KCTD16: variants seen among roughly 807,000 people sequenced by gnomAD.
KCTD16 encodes the protein BTB/POZ domain-containing protein KCTD16.
Under a neutral mutation model 33.2 loss-of-function variants are expected in KCTD16, and 13 were observed. The ratio of observed to expected loss-of-function variants is 0.39; its 90% CI spans 0.25 to 0.62. KCTD16 has a LOEUF of 0.62. Ranked by LOEUF, KCTD16 falls within the 20% of genes least tolerant of loss-of-function variation. The pLI is 0.50. For missense variants in KCTD16, 441 were observed against 525.1 expected (o/e 0.84, Z 1.57); for synonymous variants, 197 against 195.3 (o/e 1.01, Z -0.07).
At chr5:144,254,546 C>T (rs1304184532) in intron 3 of KCTD16, among the ~76,000 whole-genome samples, 4 of 152,076 alleles carry the variant, frequency 2.6e-5, no homozygotes. Flanking sequence ...ATGAGATCTG[C>T]CCTCTTAACA....
At chr5:144,417,800 G>C (rs181934155) in intron 3 of KCTD16, among the ~76,000 whole-genome samples, 1 of 151,934 alleles carries the variant, frequency 6.6e-6, no homozygotes, top group Admixed American at 6.6e-5. Flanking sequence ...CTCCAACTTC[G>C]TTCTTCTGCA....
rs570422062 is a variant in KCTD16 at position 144,362,698 on chromosome 5, G to T, written c.833-110962G>T. Among the ~76,000 whole-genome samples the T allele has an allele frequency of 8.5e-5, 13 of 152,250 alleles. No individual in the cohort carries two copies. The South Asian group carries it at 2.7e-3, about 32-fold the overall frequency. On this transcript the variant is annotated intron_variant, in intron 3 of 3. Coordinates refer to ENST00000512467, the MANE Select transcript of KCTD16 (RefSeq NM_020768.4). ...GGCACCTAGTAAGTACTCCTTAAAA[G>T]TTAGTTTAGGGTGTTGGTGGATGTG... is the stretch of plus-strand genomic sequence containing the variant.
intron 3 of KCTD16, among the ~76,000 whole-genome samples, chr5:144,343,686 G>A (rs556255807): frequency 3.9e-5 from 6 of 152,000 alleles, no homozygotes; most frequent in Non-Finnish European, 8.8e-5. Flanking sequence ...TGTCAATTTT[G>A]GATCTTTCCT....
intron 3 of KCTD16, among the ~76,000 whole-genome samples, chr5:144,314,764 G>A (rs1302810144): frequency 6.6e-6 from 1 of 152,168 alleles, no homozygotes. Context: ...CTTAATGCAT[G>A]TAAAGAAGTG....
intron 3 of KCTD16, among the ~76,000 whole-genome samples, chr5:144,367,741 A>G (rs1385810080): frequency 1.3e-5 from 2 of 148,828 alleles, no homozygotes; most frequent in East Asian, 4.0e-4. Context: ...ATTCATGTGC[A>G]GGTTTGTTAC....
intron 3 of KCTD16, among the ~76,000 whole-genome samples, chr5:144,273,843 C>T (rs13165379): frequency 0.22 from 32,678 of 151,598 alleles, 3,972 homozygotes; most frequent in Non-Finnish European, 0.28. Flanking sequence ...GATTAAGAGT[C>T]ATAGAGATGG....
At chr5:144,223,216 A>G (rs999119830) in intron 3 of KCTD16, among the ~76,000 whole-genome samples, 8 of 152,304 alleles carry the variant, frequency 5.3e-5, no homozygotes, top group African/African-American at 1.9e-4. Flanking sequence ...TGGGTGCAGC[A>G]CACCAACATG....
intron 3 of KCTD16, among the ~76,000 whole-genome samples, chr5:144,361,592 AC>A (rs1561580417): frequency 6.6e-6 from 1 of 152,156 alleles, no homozygotes; most frequent in East Asian, 1.9e-4. Context: ...AATATACAGA[AC>A]CCCTTCGTTG....
intron 3 of KCTD16, among the ~76,000 whole-genome samples, chr5:144,231,295 A>C (rs1390508156): frequency 6.6e-6 from 1 of 151,796 alleles, no homozygotes; most frequent in African/African-American, 2.4e-5. Flanking sequence ...TCATCCATGT[A>C]TTTGATTAAA....
intron 3 of KCTD16, chr5:144,439,481 T>G: frequency 2.0e-5 from 5 of 255,980 alleles, no homozygotes; most frequent in Non-Finnish European, 3.8e-5. Flanking sequence ...GTAAATGAAG[T>G]TGGCAAGTCA....
At chr5:144,215,813 A>G (rs557839325) in intron 3 of KCTD16, among the ~76,000 whole-genome samples, 3 of 152,388 alleles carry the variant, frequency 2.0e-5, no homozygotes, top group Admixed American at 2.0e-4. Flanking sequence ...TCTTTCTAAT[A>G]GTCCTTTTGA....
At chr5:144,303,119 G>T (rs1442555173) in intron 3 of KCTD16, among the ~76,000 whole-genome samples, 2 of 152,124 alleles carry the variant, frequency 1.3e-5, no homozygotes, top group African/African-American at 4.8e-5. Flanking sequence ...CCTGTGGTTT[G>T]CTGGCCATTA....
At chr5:144,302,453 A>G (rs1239041771) in intron 3 of KCTD16, among the ~76,000 whole-genome samples, 14 of 152,230 alleles carry the variant, frequency 9.2e-5, no homozygotes, top group Admixed American at 9.2e-4. Flanking sequence ...GTGTTCAACC[A>G]TGACTTTGGG....
intron 3 of KCTD16, among the ~76,000 whole-genome samples, chr5:144,396,441 A>G (rs754976070): frequency 6.6e-6 from 1 of 152,164 alleles, no homozygotes; most frequent in Non-Finnish European, 1.5e-5. Flanking sequence ...ATTTACATTC[A>G]AGGACATTTG....
chr5:144,286,818 G>GA (rs576566156), intron 3 of KCTD16, among the ~76,000 whole-genome samples: 68 of 152,120 alleles, frequency 4.5e-4, no homozygotes, highest in African/African-American at 1.6e-3. Flanking sequence ...GGTTGGTGAG[G>GA]AAAAAAATCT....
intron 3 of KCTD16, among the ~76,000 whole-genome samples, chr5:144,301,568 T>C (rs991114679): frequency 6.6e-6 from 1 of 152,216 alleles, no homozygotes; most frequent in African/African-American, 2.4e-5. Flanking sequence ...AGTAGGTGCT[T>C]GGAAAATTCT....
chr5:144,206,906 T>A lies in KCTD16; in HGVS notation c.192T>A (p.Asp64Glu). 2 of 1,614,150 alleles carry A rather than the reference T, an allele frequency of 1.2e-6. No individual in the cohort carries two copies. Among genetic ancestry groups the A allele is most frequent in the Non-Finnish European group, 1.7e-6 (2 of 1,180,022 alleles). ...MFSPKRDTAN[D>E]LAKDSKGRFF... Reference sequence around the variant, plus strand: ...CCCCAAAGAGAGACACGGCTAATGATCTAGCCAAGGACTCCAAGGGAAGGT... The same window carrying A: ...CCCCAAAGAGAGACACGGCTAATGAACTAGCCAAGGACTCCAAGGGAAGGT... Residue 64 changes from aspartate to glutamate, a missense_variant, in exon 3 of 4, where the codon GAT (aspartate) becomes GAA (glutamate). Transcript: ENST00000512467.
intron 3 of KCTD16, among the ~76,000 whole-genome samples, chr5:144,463,399 A>G (rs760480648): frequency 6.6e-6 from 1 of 152,238 alleles, no homozygotes; most frequent in Non-Finnish European, 1.5e-5. Context: ...AAAGCAATCA[A>G]TTGTCTTCTA....
At chr5:144,396,630 C>T (rs772254982) in intron 3 of KCTD16, among the ~76,000 whole-genome samples, 5 of 152,102 alleles carry the variant, frequency 3.3e-5, no homozygotes, top group African/African-American at 4.8e-5. Flanking sequence ...AAGATTTACA[C>T]GTGACATATT....
Sources: gnomAD v4.1 joint callset for allele counts (sites outside exome capture counted in the v4.1 genomes callset) on GRCh38, gnomAD v4.1.1 for gene constraint, MANE v1.5 for transcripts, NCBI Gene and HGNC (gene_info 2026-07-23, HGNC 2026-07-21) for gene names.